The following KRCC1 variants were observed in gnomAD, a reference collection of about 807,000 sequenced individuals.
KRCC1 encodes the protein lysine-rich coiled-coil protein 1.
In KRCC1, 3 loss-of-function variants were observed where a neutral mutation model predicts 7.4. That is an observed-to-expected ratio of 0.40 (90% CI 0.18 to 1.04). The LOEUF is 1.04. Ranked by LOEUF, KRCC1 falls within the 50% of genes least tolerant of loss-of-function variation. The probability of loss-of-function intolerance (pLI) is 0.33; values close to 1 mark genes in which losing one functional copy is unlikely to be tolerated. For synonymous variants in KRCC1, 102 were observed against 101.6 expected (o/e 1.00, Z -0.02); for missense variants, 277 against 300.9 (o/e 0.92, Z 0.59).
chr2:88,051,286 C>T (rs1212409165), intron 1 of KRCC1, among the ~76,000 whole-genome samples: 2 of 152,128 alleles, frequency 1.3e-5, no homozygotes, highest in East Asian at 3.8e-4. Flanking sequence ...CAGAGGAGTT[C>T]CTCAGAAGGA....
intron 3 of KRCC1, among the ~76,000 whole-genome samples, chr2:88,030,130 G>C (rs915217275): frequency 6.6e-6 from 1 of 150,916 alleles, no homozygotes; most frequent in Non-Finnish European, 1.5e-5. Flanking sequence ...TTACAGGTGT[G>C]AGCCACTGTG....
intron 1 of KRCC1, among the ~76,000 whole-genome samples, chr2:88,052,207 C>T (rs964260742): frequency 6.6e-6 from 1 of 152,220 alleles, no homozygotes; most frequent in African/African-American, 2.4e-5. Context: ...TTTCCACTAT[C>T]TTAAACTGTC....
At chr2:88,033,588 T>C (rs540313159) in intron 3 of KRCC1, among the ~76,000 whole-genome samples, 1 of 152,342 alleles carries the variant, frequency 6.6e-6, no homozygotes, top group Non-Finnish European at 1.5e-5. Flanking sequence ...GGGTGATGGA[T>C]ACATGAAGGT....
At chr2:88,049,634 A>T (rs1673423578) in intron 1 of KRCC1, among the ~76,000 whole-genome samples, 1 of 152,212 alleles carries the variant, frequency 6.6e-6, no homozygotes, top group Non-Finnish European at 1.5e-5. Flanking sequence ...GGGCAATCGG[A>T]GTGAGACCCT....
chr2:88,034,792 C>T (rs1673060767), intron 2 of KRCC1, among the ~76,000 whole-genome samples: 1 of 152,150 alleles, frequency 6.6e-6, no homozygotes. Context: ...AAATGTCTTT[C>T]CTTTCTCTGT....
chr2:88,030,661 TAAGGATCTGGAACTCTCAA>T (rs1164452889), intron 3 of KRCC1, among the ~76,000 whole-genome samples: 1 of 152,178 alleles, frequency 6.6e-6, no homozygotes, highest in Non-Finnish European at 1.5e-5. Flanking sequence ...CCAGTGCTGA[TAAGGATCTGGAACTCTCAA>T]ATATTGTTGA....
At position 88,028,052 on chromosome 2, in the gene KRCC1, G is replaced by T; in HGVS notation, c.512C>A (p.Ser171Ter). ...CTTATGCTTAGACCGCTCCTCCTCT[G>T]ATTTTTCTCTGCCTTCCTCTGGGTG... ...KRHPEEGREK[S>*]EEERSKHKRK... is the part of the protein sequence containing the mutation. The change falls in exon 4 of 4, where the codon TCA becomes TAA. Residue 171 changes from serine (S) to a stop codon, truncating the protein, a stop_gained. Coordinates refer to ENST00000347055, the MANE Select transcript of KRCC1 (RefSeq NM_016618.3). LOFTEE classifies it high-confidence loss of function. 6.2e-7 allele frequency: 1 copy of T among 1,613,972 alleles called. No homozygotes were observed. The highest frequency in any genetic ancestry group is 1.3e-5 in the African/African-American group (1 of 74,954).
chr2:88,052,522 T>C (rs950626529), intron 1 of KRCC1, among the ~76,000 whole-genome samples: 1 of 106,158 alleles, frequency 9.4e-6, no homozygotes, highest in East Asian at 2.0e-4. Context: ...CATAAGTGAA[T>C]AGTGAGTGAC....
chr2:88,027,892 A>G lies in KRCC1; in HGVS notation c.672T>C (p.Asp224=), dbSNP rs1280799350. 1 of 1,613,912 alleles carries G rather than the reference A, an allele frequency of 6.2e-7. No homozygotes were observed. Among genetic ancestry groups the G allele is most frequent in the Non-Finnish European group, 8.5e-7 (1 of 1,180,012 alleles). ...TACGTTCCTCTTTCTTAGAGACTAC[A>G]TCTCGGCTTTTTTTCTCCTTTCGAT... The part of the protein sequence containing the change: ...LKNRKEKKSR[D]VVSKKEERKR... Residue 224 remains aspartate (D), a synonymous_variant, in exon 4 of 4, where the codon GAT becomes GAC. Coordinates refer to ENST00000347055, the MANE Select transcript of KRCC1 (RefSeq NM_016618.3).
At chr2:88,031,486 G>A (rs1672989617) in intron 3 of KRCC1, among the ~76,000 whole-genome samples, 1 of 152,078 alleles carries the variant, frequency 6.6e-6, no homozygotes, top group Non-Finnish European at 1.5e-5. Flanking sequence ...GCTGGGCATG[G>A]TGGCGCATGT....
chr2:88,028,676 G>A (rs1672933130), intron 3 of KRCC1, 91 bp from the exon 4 acceptor site: 7 of 699,322 alleles, frequency 1.0e-5, no homozygotes, highest in East Asian at 3.0e-5. Context: ...TTGAGATGGC[G>A]TCTCGCCCTG....
rs572902802 is a variant in KRCC1 at position 88,040,148 on chromosome 2, T to G, written c.-290-3097A>C. On this transcript the variant is annotated intron_variant, in intron 1 of 3. Transcript: ENST00000347055. ...AATAATTTCCTTCCTGGTTCAACCC[T>G]TAATACCAACCAGGCATTTCTAAAA... Among the ~76,000 whole-genome samples, 5 of 152,336 alleles carry G rather than the reference T, an allele frequency of 3.3e-5. No homozygotes were observed. In the South Asian group the frequency reaches 8.3e-4, roughly 25 times the overall value.
chr2:88,046,651 T>C (rs1673341706), intron 1 of KRCC1, among the ~76,000 whole-genome samples: 1 of 152,206 alleles, frequency 6.6e-6, no homozygotes, highest in African/African-American at 2.4e-5. Context: ...CTTTTCTAAT[T>C]GCTCTGATTT....
At chr2:88,040,972 G>A (rs1673199046) in intron 1 of KRCC1, among the ~76,000 whole-genome samples, 1 of 152,118 alleles carries the variant, frequency 6.6e-6, no homozygotes, top group African/African-American at 2.4e-5. Context: ...AACAAGACAT[G>A]CATAAAGGTA....
At chr2:88,036,305 A>AT (rs1673089549) in intron 2 of KRCC1, among the ~76,000 whole-genome samples, 1 of 152,208 alleles carries the variant, frequency 6.6e-6, no homozygotes, top group African/African-American at 2.4e-5. Context: ...CCAGGATACT[A>AT]TTATACAGCA....
At chr2:88,028,711 G>T in intron 3 of KRCC1, 126 bp from the exon 4 acceptor site, 1 of 635,400 alleles carries the variant, frequency 1.6e-6, no homozygotes, top group Non-Finnish European at 2.6e-6. Flanking sequence ...GTGCAGTGGG[G>T]TTGCTCTTGG....
intron 1 of KRCC1, among the ~76,000 whole-genome samples, chr2:88,045,449 G>C (rs1010967084): frequency 1.3e-5 from 2 of 152,178 alleles, no homozygotes; most frequent in Non-Finnish European, 2.9e-5. Context: ...CCATCACGCT[G>C]AGCGAAAGAC....
intron 2 of KRCC1, among the ~76,000 whole-genome samples, chr2:88,036,033 G>A (rs1168899239): frequency 2.0e-5 from 3 of 152,166 alleles, no homozygotes; most frequent in South Asian, 2.1e-4. Context: ...AGACATGACT[G>A]TAATTATGGT....
At chr2:88,052,810 CTAT>C (rs1419693084) in intron 1 of KRCC1, among the ~76,000 whole-genome samples, 2 of 152,184 alleles carry the variant, frequency 1.3e-5, no homozygotes, top group African/African-American at 2.4e-5. Flanking sequence ...CAAAATGTTA[CTAT>C]TGCCTTTCAT....
Sources: allele counts gnomAD v4.1 joint callset (sites outside exome capture counted in the v4.1 genomes callset), GRCh38; gene constraint gnomAD v4.1.1; transcripts MANE v1.5; gene names NCBI Gene and HGNC (gene_info 2026-07-23, HGNC 2026-07-21).